The following ALOX5AP variants were observed in gnomAD, a reference collection of about 807,000 sequenced individuals.
ALOX5AP encodes the protein arachidonate 5-lipoxygenase-activating protein.
In ALOX5AP, 9 loss-of-function variants were observed where a neutral mutation model predicts 18.5. The observed-to-expected ratio is 0.49, with a 90% CI of 0.29 to 0.85. The LOEUF is 0.85. ALOX5AP is among the 40% of genes least tolerant of loss of function. ALOX5AP has a pLI of 0.08. For missense variants in ALOX5AP, 172 were observed against 202.5 expected, an observed-to-expected ratio of 0.85 and a Z score of 0.91; for synonymous variants, 81 against 78.6, an observed-to-expected ratio of 1.03 and a Z score of -0.16.
At chr13:30,720,863 T>C (rs1593425985) in intron 1 of ALOX5AP, among the ~76,000 whole-genome samples, 1 of 152,338 alleles carries the variant, frequency 6.6e-6, no homozygotes, top group South Asian at 2.1e-4. Context: ...CCTAAGAGAA[T>C]GGGTTGTCTG....
At chr13:30,749,799 C>T (rs1951837334) in intron 2 of ALOX5AP, among the ~76,000 whole-genome samples, 1 of 152,108 alleles carries the variant, frequency 6.6e-6, no homozygotes. Flanking sequence ...TAGACTTCTC[C>T]AGAAAAGGAT....
intron 2 of ALOX5AP, among the ~76,000 whole-genome samples, chr13:30,746,057 C>T (rs369585890): frequency 5.9e-5 from 9 of 152,202 alleles, no homozygotes; most frequent in African/African-American, 1.9e-4. Flanking sequence ...CTGCCACGTG[C>T]CCCCGGGAGT....
At chr13:30,729,272 T>C (rs1287272817) in intron 1 of ALOX5AP, among the ~76,000 whole-genome samples, 1 of 152,244 alleles carries the variant, frequency 6.6e-6, no homozygotes, top group Non-Finnish European at 1.5e-5. Flanking sequence ...TTTTAGTTTT[T>C]ATGTTTATGT....
intron 1 of ALOX5AP, among the ~76,000 whole-genome samples, chr13:30,737,334 G>T (rs1201282091): frequency 1.3e-5 from 2 of 152,250 alleles, no homozygotes; most frequent in African/African-American, 4.8e-5. Flanking sequence ...CCAGGGAACT[G>T]GCCCTGCTCT....
intron 2 of ALOX5AP, among the ~76,000 whole-genome samples, chr13:30,747,331 C>T (rs1361519436): frequency 6.6e-6 from 1 of 152,208 alleles, no homozygotes; most frequent in Non-Finnish European, 1.5e-5. Flanking sequence ...CACATGCCCC[C>T]ATGCCTGACT....
chr13:30,740,061 C>T (rs889709343), intron 1 of ALOX5AP, among the ~76,000 whole-genome samples: 31 of 152,194 alleles, frequency 2.0e-4, no homozygotes, highest in African/African-American at 6.0e-4. Flanking sequence ...TTCGGCCTAA[C>T]GTTTCTGAAG....
At chr13:30,721,869 T>C (rs1033862520) in intron 1 of ALOX5AP, among the ~76,000 whole-genome samples, 1 of 152,236 alleles carries the variant, frequency 6.6e-6, no homozygotes, top group Non-Finnish European at 1.5e-5. Context: ...TGACTTTCTC[T>C]TGCTCAGGAT....
At chr13:30,741,837 T>TG (rs1044931359) in intron 1 of ALOX5AP, among the ~76,000 whole-genome samples, 11 of 150,858 alleles carry the variant, frequency 7.3e-5, no homozygotes, top group Admixed American at 2.0e-4. Context: ...TTCTGTTTTT[T>TG]TTTTTTTTTT....
intron 2 of ALOX5AP, among the ~76,000 whole-genome samples, chr13:30,750,717 G>A (rs1162112649): frequency 2.6e-5 from 4 of 152,178 alleles, no homozygotes; most frequent in African/African-American, 4.8e-5. Context: ...CATGGCAAGG[G>A]GAAATTCAGG....
intron 1 of ALOX5AP, among the ~76,000 whole-genome samples, chr13:30,729,925 A>G (rs148138580): frequency 6.6e-6 from 1 of 151,624 alleles, no homozygotes; most frequent in Non-Finnish European, 1.5e-5. Flanking sequence ...TTCCACATGC[A>G]TGGGTCATTT....
upstream of ALOX5AP, among the ~76,000 whole-genome samples, chr13:30,733,625 T>C (rs767005416): frequency 2.9e-4 from 44 of 152,222 alleles, no homozygotes; most frequent in Non-Finnish European, 4.7e-4. Flanking sequence ...AAAATGTTTT[T>C]TTCTGGGTGT....
intron 2 of ALOX5AP, among the ~76,000 whole-genome samples, chr13:30,749,886 G>A (rs1279400878): frequency 6.6e-6 from 1 of 152,134 alleles, no homozygotes; most frequent in East Asian, 1.9e-4. Context: ...TCTCTGCAGG[G>A]CACAGATGAA....
chr13:30,719,961 A>C (rs533238980), intron 1 of ALOX5AP, among the ~76,000 whole-genome samples: 1 of 152,008 alleles, frequency 6.6e-6, no homozygotes, highest in African/African-American at 2.4e-5. Flanking sequence ...TCCTGGGTTC[A>C]AGCAATTCTC....
chr13:30,744,295 G>C (rs1951791473), intron 2 of ALOX5AP, 136 bp downstream of exon 2: 2 of 712,674 alleles, frequency 2.8e-6, no homozygotes, highest in Admixed American at 4.8e-5. Context: ...AGGAAGGTTG[G>C]ACTTCACCAG....
chr13:30,725,469 C>T (rs1423507947), intron 1 of ALOX5AP, among the ~76,000 whole-genome samples: 1 of 152,248 alleles, frequency 6.6e-6, no homozygotes, highest in African/African-American at 2.4e-5. Flanking sequence ...TGTATGGACA[C>T]AGCAACATGA....
At chr13:30,747,072 T>C (rs1951815289) in intron 2 of ALOX5AP, among the ~76,000 whole-genome samples, 1 of 152,222 alleles carries the variant, frequency 6.6e-6, no homozygotes, top group South Asian at 2.1e-4. Context: ...CCTTAATTAA[T>C]GGGCTGTCCC....
At chr13:30,726,606 A>G (rs1296839556) in intron 1 of ALOX5AP, among the ~76,000 whole-genome samples, 3 of 152,240 alleles carry the variant, frequency 2.0e-5, no homozygotes, top group Non-Finnish European at 2.9e-5. Context: ...AAAACCACAC[A>G]ACCAATTTGA....
chr13:30,743,582 G>T (rs539481183), intron 1 of ALOX5AP, among the ~76,000 whole-genome samples: 17 of 151,900 alleles, frequency 1.1e-4, no homozygotes, highest in African/African-American at 4.1e-4. Flanking sequence ...CTGAACCTTT[G>T]CATATTTTGT....
At chr13:30,741,391 C>CTTTTTTTTTTTTTTTTTTTTT (rs34793607) in intron 1 of ALOX5AP, among the ~76,000 whole-genome samples, 3 of 128,776 alleles carry the variant, frequency 2.3e-5, no homozygotes, top group Non-Finnish European at 3.3e-5. Context: ...CTTGTTTTGT[C>CTTTTTTTTTTTTTTTTTTTTT]TTTTTTTTTT....
Sources: gnomAD v4.1 joint callset for allele counts (sites outside exome capture counted in the v4.1 genomes callset) on GRCh38, gnomAD v4.1.1 for gene constraint, MANE v1.5 for transcripts, NCBI Gene and HGNC (gene_info 2026-07-23, HGNC 2026-07-21) for gene names.